The following SORCS2 variants were observed in gnomAD, a reference collection of about 807,000 sequenced individuals.
The protein encoded by SORCS2 is sortilin related VPS10 domain containing receptor 2.
In SORCS2, 100 loss-of-function variants were observed where a neutral mutation model predicts 141.6. The observed-to-expected ratio is 0.71, with a 90% CI of 0.60 to 0.83. The LOEUF is 0.83. Among genes scored for constraint, SORCS2 ranks in the 40% least tolerant of loss-of-function variants. SORCS2 has a pLI of 0.00. For synonymous variants in SORCS2, 789 were observed against 676.9 expected (o/e 1.17, Z -2.57); for missense variants, 1,646 against 1,560.2 (o/e 1.05, Z -0.93).
At chr4:7,273,872 G>A (rs1321590123) in intron 1 of SORCS2, among the ~76,000 whole-genome samples, 1 of 152,214 alleles carries the variant, frequency 6.6e-6, no homozygotes, top group Non-Finnish European at 1.5e-5. Flanking sequence ...AGTGCCCCAG[G>A]GATTGGTTCA....
intron 2 of SORCS2, among the ~76,000 whole-genome samples, chr4:7,518,062 A>G (rs4639075): frequency 0.91 from 139,258 of 152,250 alleles, 64,399 homozygotes; most frequent in South Asian, 0.99. Flanking sequence ...ATGCTCACAC[A>G]GGGACCAGGG....
At chr4:7,667,891 C>T (rs1722594458) in intron 8 of SORCS2, among the ~76,000 whole-genome samples, 1 of 152,194 alleles carries the variant, frequency 6.6e-6, no homozygotes, top group Non-Finnish European at 1.5e-5. Context: ...ACTAACCTGT[C>T]TGAGATCACA....
At chr4:7,682,538 C>A (rs1723586630) in intron 9 of SORCS2, among the ~76,000 whole-genome samples, 1 of 152,172 alleles carries the variant, frequency 6.6e-6, no homozygotes, top group Non-Finnish European at 1.5e-5. Context: ...ACTAGCTTCC[C>A]ACTAAAACTG....
chr4:7,546,278 G>C (rs888504070), intron 3 of SORCS2, among the ~76,000 whole-genome samples: 3 of 152,138 alleles, frequency 2.0e-5, no homozygotes, highest in Non-Finnish European at 4.4e-5. Flanking sequence ...CAAAGCCAAG[G>C]CTCAATTCAC....
At chr4:7,722,950 G>T (rs1281352067) in intron 18 of SORCS2, among the ~76,000 whole-genome samples, 1 of 152,186 alleles carries the variant, frequency 6.6e-6, no homozygotes, top group Non-Finnish European at 1.5e-5. Flanking sequence ...GGAGGAAGAG[G>T]GAAGGGGAGG....
chr4:7,524,751 T>C (rs1733560299), intron 2 of SORCS2, among the ~76,000 whole-genome samples: 1 of 152,086 alleles, frequency 6.6e-6, no homozygotes, highest in African/African-American at 2.4e-5. Context: ...CGCAGCACCC[T>C]GAGCTGTCTG....
intron 3 of SORCS2, among the ~76,000 whole-genome samples, chr4:7,628,099 T>C (rs978659382): frequency 1.3e-5 from 2 of 152,196 alleles, no homozygotes; most frequent in African/African-American, 4.8e-5. Context: ...GGGTAGAGTC[T>C]AAGGGAGGCG....
rs116485556 is a variant in SORCS2 at position 7,551,385 on chromosome 4, G to A, written c.648+19756G>A. Among the ~76,000 whole-genome samples, 464 of 152,304 alleles carry A rather than the reference G, an allele frequency of 3.0e-3. 3 individuals are homozygous for A. The highest frequency in any genetic ancestry group is 0.01 in the African/African-American group (431 of 41,544). ...ACTGTAGAAATAAGGACCAGCTAGGGATCCTACCATTGAGAAATTCAAAGT... is the reference window on the plus strand; with the variant it reads ...ACTGTAGAAATAAGGACCAGCTAGGAATCCTACCATTGAGAAATTCAAAGT... On this transcript the variant is annotated intron_variant, in intron 3 of 26. Transcript: ENST00000507866.
At chr4:7,550,278 T>C (rs1713596512) in intron 3 of SORCS2, among the ~76,000 whole-genome samples, 1 of 151,646 alleles carries the variant, frequency 6.6e-6, no homozygotes, top group Admixed American at 6.6e-5. Flanking sequence ...AAGATGGGGG[T>C]GCCCAGCAAG....
chr4:7,206,336 G>A (rs974834023), intron 1 of SORCS2, among the ~76,000 whole-genome samples: 4 of 152,284 alleles, frequency 2.6e-5, no homozygotes, highest in South Asian at 4.1e-4. Context: ...GTAAACATCC[G>A]AGGACTTCTG....
At chr4:7,676,899 T>C (rs13143618) in intron 9 of SORCS2, among the ~76,000 whole-genome samples, 12 of 32,384 alleles carry the variant, frequency 3.7e-4, no homozygotes, top group South Asian at 1.3e-3. Context: ...GGCCTCTCTC[T>C]CTCTCTCCCT....
intron 1 of SORCS2, among the ~76,000 whole-genome samples, chr4:7,313,248 G>A (rs759628166): frequency 4.6e-5 from 7 of 152,348 alleles, no homozygotes; most frequent in South Asian, 2.1e-4. Context: ...CGTGCGCTGT[G>A]GGCATGATCT....
chr4:7,678,274 G>A (rs1482936387), intron 9 of SORCS2, among the ~76,000 whole-genome samples: 1 of 150,696 alleles, frequency 6.6e-6, no homozygotes, highest in East Asian at 2.0e-4. Context: ...ACACACACAG[G>A]CATCAAGGCG....
chr4:7,510,196 C>A (rs529417266), intron 2 of SORCS2, among the ~76,000 whole-genome samples: 1 of 152,372 alleles, frequency 6.6e-6, no homozygotes, highest in Non-Finnish European at 1.5e-5. Flanking sequence ...GATGTGGATG[C>A]AAACGCCTTC....
chr4:7,227,067 A>T (rs540177585), intron 1 of SORCS2, among the ~76,000 whole-genome samples: 1 of 152,034 alleles, frequency 6.6e-6, no homozygotes, highest in Admixed American at 6.5e-5. Context: ...GGGTACTCTT[A>T]TGCACCTGTG....
rs772934766 is a variant in SORCS2, at chr4:7,563,608, C to A, written c.648+31979C>A. 5.0e-4 allele frequency among the ~76,000 whole-genome samples: 76 copies of A among 152,320 alleles called. 1 individual carries two copies. Among genetic ancestry groups the A allele is most frequent in the Admixed American group, 2.7e-3 (41 of 15,296 alleles). ...TCTGACCCAGCTCCCTTTCTGGGAG[C>A]ACGTTCCTTGACAAGATGCCATCTG... On this transcript the variant is annotated intron_variant, in intron 3 of 26. Coordinates refer to ENST00000507866, the MANE Select transcript of SORCS2 (RefSeq NM_020777.3).
chr4:7,638,634 G>C, intron 4 of SORCS2, 142 bp downstream of exon 4: 1 of 840,746 alleles, frequency 1.2e-6, no homozygotes, highest in African/African-American at 1.8e-5. Flanking sequence ...TGGGGGCCGG[G>C]ATGCTGGACC....
intron 20 of SORCS2, 32 bp downstream of exon 20, chr4:7,725,319 T>C (rs748807848): frequency 6.3e-7 from 1 of 1,599,874 alleles, no homozygotes; most frequent in East Asian, 2.2e-5. Context: ...TCAGCCCTTC[T>C]TCCCGCAGGC....
At chr4:7,470,488 T>C (rs747678063) in intron 2 of SORCS2, among the ~76,000 whole-genome samples, 1 of 152,210 alleles carries the variant, frequency 6.6e-6, no homozygotes, top group African/African-American at 2.4e-5. Flanking sequence ...GGGTTCTTCA[T>C]GGAGGCTTTA....
Sources: gnomAD v4.1 joint callset for allele counts (sites outside exome capture counted in the v4.1 genomes callset) on GRCh38, gnomAD v4.1.1 for gene constraint, MANE v1.5 for transcripts, NCBI Gene and HGNC (gene_info 2026-07-23, HGNC 2026-07-21) for gene names.